The following PGLYRP3 variants were observed in gnomAD, a reference collection of about 807,000 sequenced individuals.
The protein encoded by PGLYRP3 is peptidoglycan recognition protein 3.
PGLYRP3 carries 39 observed loss-of-function variants against 36.0 expected under a neutral mutation model. The ratio of observed to expected loss-of-function variants is 1.08; its 90% CI spans 0.84 to 1.41. PGLYRP3 has a LOEUF of 1.41. PGLYRP3 is among the 40% of genes most tolerant of loss of function. The pLI, the probability that PGLYRP3 is intolerant of heterozygous loss-of-function variation, is 0.00. For synonymous variants in PGLYRP3, 204 were observed against 172.8 expected, an observed-to-expected ratio of 1.18 and a Z score of -1.42; for missense variants, 407 against 427.9, an observed-to-expected ratio of 0.95 and a Z score of 0.43.
chr1:153,303,719 C>T (rs1659659840), intron 5 of PGLYRP3, 138 bp downstream of exon 5: 1 of 1,039,338 alleles, frequency 9.6e-7, no homozygotes, highest in Admixed American at 2.3e-5. Flanking sequence ...CAGAATTTTC[C>T]AGATCTCAAA....
rs112659088 is a variant in PGLYRP3, at chr1:153,299,725, C to T, written c.729-494G>A. ...TCACCCTGGACAATCATTGCCACAG[C>T]TTCAAGTACTACCTGTAAAAACAGT... On this transcript the variant is annotated intron_variant, in intron 6 of 7. Transcript: ENST00000683862. Among the ~76,000 whole-genome samples the T allele has an allele frequency of 6.4e-3, 981 of 152,274 alleles. 14 individuals are homozygous for T. The highest frequency in any genetic ancestry group is 0.022 in the African/African-American group (932 of 41,544).
rs148234553 is a variant in PGLYRP3 at position 153,305,384 on chromosome 1, T to A, written c.258-319A>T. ...TCAATGCTTTTCAAGAGCTTAAAAA[T>A]TACTACATCATGTTTTTAAATTATA... is the stretch of plus-strand genomic sequence containing the variant. On this transcript the variant is annotated intron_variant, in intron 3 of 7. Transcript: ENST00000683862. Among the ~76,000 whole-genome samples the A allele has an allele frequency of 3.1e-3, 469 of 152,292 alleles. 2 individuals carry two copies. The highest frequency in any genetic ancestry group is 1.0e-2 in the African/African-American group (414 of 41,566).
In PGLYRP3 at chr1:153,312,674, G is replaced by T. The variant is rs1166828726; in HGVS notation, c.-73C>A. 6.6e-6 allele frequency among the ~76,000 whole-genome samples: 1 copy of T among 151,964 alleles called. No individual in the cohort carries two copies. Among genetic ancestry groups the T allele is most frequent in the Non-Finnish European group, 1.5e-5 (1 of 68,002 alleles). ...GTTCTGTGCTGTTCCAGCCCAGCAG[G>T]TCAGGGTGCAGTCGGCTCGCCCCTG... is the stretch of plus-strand genomic sequence containing the variant. On this transcript the variant is annotated 5_prime_UTR_variant, in exon 1 of 8. Transcript: ENST00000683862.
At chr1:153,310,576 C>A in intron 2 of PGLYRP3, 35 bp downstream of exon 2, 1 of 1,608,384 alleles carries the variant, frequency 6.2e-7, no homozygotes, top group South Asian at 1.1e-5. Flanking sequence ...TCTTGCTCAT[C>A]AAAAGCACTT....
At chr1:153,304,040 G>C (rs551886273) in intron 4 of PGLYRP3, 31 bp from the exon 5 acceptor site, 1 of 1,592,618 alleles carries the variant, frequency 6.3e-7, no homozygotes, top group Non-Finnish European at 8.6e-7. Flanking sequence ...GCACAAAAAT[G>C]TCAGTAAGAA....
chr1:153,306,958 A>G, intron 3 of PGLYRP3, 108 bp downstream of exon 3: 2 of 1,090,394 alleles, frequency 1.8e-6, no homozygotes, highest in Non-Finnish European at 2.7e-6. Flanking sequence ...TATTCATTAC[A>G]AAAGCAATGT....
intron 3 of PGLYRP3, 47 bp downstream of exon 3, chr1:153,307,019 C>G: frequency 6.3e-7 from 1 of 1,583,548 alleles, no homozygotes; most frequent in Non-Finnish European, 8.7e-7. Context: ...TGGGAAGCAC[C>G]CCCGTGACTT....
At chr1:153,310,585 T>C (rs1659869593) in intron 2 of PGLYRP3, 26 bp downstream of exon 2, 12 of 1,612,436 alleles carry the variant, frequency 7.4e-6, no homozygotes, top group Non-Finnish European at 1.0e-5. Flanking sequence ...TCAAAAGCAC[T>C]TCTGATGCAA....
chr1:153,302,158 A>G (rs560560084), intron 6 of PGLYRP3, among the ~76,000 whole-genome samples: 15 of 152,208 alleles, frequency 9.9e-5, no homozygotes, highest in Non-Finnish European at 1.8e-4. Flanking sequence ...GTCTTGCTTT[A>G]TCACTAGGCT....
In PGLYRP3 at chr1:153,297,542, G is replaced by GAAA. The variant is rs1557805287; in HGVS notation, c.*413_*414insTTT. Among the ~76,000 whole-genome samples, 31 of 89,546 alleles carry GAAA rather than the reference G, an allele frequency of 3.5e-4. No individual in the cohort carries two copies. The highest frequency in any genetic ancestry group is 1.4e-3 in the African/African-American group (28 of 20,052). 58.7% of individuals were successfully genotyped at this position (89,546 alleles called of 152,430 possible). A position where few individuals can be genotyped will look rare whatever the true frequency, so the allele number is the denominator to read the frequency against. ...AGGAAGGAAGGAAGGAAGGAAGGAA[G>GAAA]GAAGGAAGGAAAGAAAGAAAAAGAA... On this transcript the variant is annotated 3_prime_UTR_variant, in exon 8 of 8. Transcript: ENST00000683862.
chr1:153,307,017 A>G (rs1557810927), intron 3 of PGLYRP3, 49 bp downstream of exon 3: 2 of 1,569,688 alleles, frequency 1.3e-6, no homozygotes, highest in Admixed American at 1.7e-5. Flanking sequence ...AGTGGGAAGC[A>G]CCCCCGTGAC....
rs910627424 is a variant in PGLYRP3 at position 153,309,318 on chromosome 1, A to G, written c.55+1293T>C. 2.6e-5 allele frequency among the ~76,000 whole-genome samples: 4 copies of G among 152,332 alleles called. No homozygotes were observed. In the Middle Eastern group the frequency reaches 0.01, roughly 389 times the overall value. On this transcript the variant is annotated intron_variant, in intron 2 of 7. Coordinates refer to ENST00000683862, the MANE Select transcript of PGLYRP3 (RefSeq NM_052891.3). The stretch of plus-strand genomic sequence containing the variant: ...AGCAAAGCAACTATGCTGTCTATAG[A>G]GAAGGGAAACCAAGTCTTAGGGAAG...
rs1557805235 is a variant in PGLYRP3, at chr1:153,297,534, G to GAAAAA, written c.*421_*422insTTTTT. Among the ~76,000 whole-genome samples the GAAAAA allele has an allele frequency of 6.4e-4, 54 of 84,958 alleles. No individual in the cohort carries two copies. Among genetic ancestry groups the GAAAAA allele is most frequent in the African/African-American group, 2.5e-3 (50 of 20,096 alleles). 55.7% of individuals were successfully genotyped at this position (84,958 alleles called of 152,430 possible). On this transcript the variant is annotated 3_prime_UTR_variant, in exon 8 of 8. Coordinates refer to ENST00000683862, the MANE Select transcript of PGLYRP3 (RefSeq NM_052891.3). ...AGGAAGGAAGGAAGGAAGGAAGGAA[G>GAAAAA]GAAGGAAGGAAGGAAGGAAAGAAAG...
At chr1:153,306,918 G>A (rs777712495) in intron 3 of PGLYRP3, 148 bp downstream of exon 3, 6 of 784,874 alleles carry the variant, frequency 7.6e-6, no homozygotes, top group Non-Finnish European at 1.2e-5. Context: ...GAAGGATTCG[G>A]ATTTTGTTTG....
chr1:153,308,503 C>A (rs550913356), intron 2 of PGLYRP3, among the ~76,000 whole-genome samples: 1 of 152,184 alleles, frequency 6.6e-6, no homozygotes, highest in South Asian at 2.1e-4. Flanking sequence ...ATCTCCAAAC[C>A]GCCTCACCAT....
At position 153,305,081 on chromosome 1, in the gene PGLYRP3, T is replaced by C; in HGVS notation, c.258-16A>G. 6.3e-7 allele frequency: 1 copy of C among 1,595,272 alleles called. No individual in the cohort carries two copies. Among genetic ancestry groups the C allele is most frequent in the Non-Finnish European group, 8.6e-7 (1 of 1,168,876 alleles). On this transcript the variant is annotated splice_polypyrimidine_tract_variant and intron_variant, in intron 3 of 7. Coordinates refer to ENST00000683862, the MANE Select transcript of PGLYRP3 (RefSeq NM_052891.3). Reference sequence around the variant, plus strand: ...AACCAGGAAGCTGACAAGAAGGAAATAATGATTTTACTGCAAATCTCCATA... The same window carrying C: ...AACCAGGAAGCTGACAAGAAGGAAACAATGATTTTACTGCAAATCTCCATA...
chr1:153,302,023 G>A (rs1358010487), intron 6 of PGLYRP3, among the ~76,000 whole-genome samples: 2 of 152,158 alleles, frequency 1.3e-5, no homozygotes, highest in African/African-American at 4.8e-5. Flanking sequence ...TTCTAACATC[G>A]GAGAGAGCAA....
chr1:153,311,461 T>G (rs1199186429), intron 1 of PGLYRP3, among the ~76,000 whole-genome samples: 1 of 152,204 alleles, frequency 6.6e-6, no homozygotes, highest in African/African-American at 2.4e-5. Context: ...TACCCAGGTC[T>G]GTCTGACTCC....
chr1:153,312,105 A>T (rs1451107951), intron 1 of PGLYRP3, among the ~76,000 whole-genome samples: 1 of 152,200 alleles, frequency 6.6e-6, no homozygotes, highest in African/African-American at 2.4e-5. Context: ...TGCTTCCACA[A>T]CCATGAAACG....
Sources: allele counts gnomAD v4.1 joint callset (sites outside exome capture counted in the v4.1 genomes callset), GRCh38; gene constraint gnomAD v4.1.1; transcripts MANE v1.5; gene names NCBI Gene and HGNC (gene_info 2026-07-23, HGNC 2026-07-21).